DOCK9: variants seen among roughly 807,000 people sequenced by gnomAD.
DOCK9 encodes the protein dedicator of cytokinesis protein 9.
DOCK9 carries 89 observed loss-of-function variants against 263.3 expected under a neutral mutation model. The observed-to-expected ratio is 0.34, with a 90% CI of 0.28 to 0.40. DOCK9 has a LOEUF of 0.40. Ranked by LOEUF, DOCK9 falls within the 10% of genes least tolerant of loss-of-function variation. The pLI, the probability that DOCK9 is intolerant of heterozygous loss-of-function variation, is 1.00. For missense variants in DOCK9, 2,140 were observed against 2,603.4 expected, an observed-to-expected ratio of 0.82 and a Z score of 3.87; for synonymous variants, 976 against 973.1, an observed-to-expected ratio of 1.00 and a Z score of -0.06.
chr13:98,936,637 A>AG (rs1217181841), intron 2 of DOCK9, among the ~76,000 whole-genome samples: 1 of 85,276 alleles, frequency 1.2e-5, no homozygotes, highest in Non-Finnish European at 2.9e-5. Flanking sequence ...AAAAAAAAAA[A>AG]GAAAGAAAGA....
intron 1 of DOCK9, among the ~76,000 whole-genome samples, chr13:98,959,900 G>A (rs1253980908): frequency 6.6e-6 from 1 of 152,210 alleles, no homozygotes; most frequent in African/African-American, 2.4e-5. Flanking sequence ...ATTCACTGGT[G>A]ACAGCTGTTC....
intron 15 of DOCK9, among the ~76,000 whole-genome samples, chr13:98,893,770 T>C (rs1313773449): frequency 6.6e-6 from 1 of 152,172 alleles, no homozygotes; most frequent in Non-Finnish European, 1.5e-5. Flanking sequence ...CAAAGATTTT[T>C]AAAAAATGAA....
chr13:99,040,373 G>C (rs1888340738), intron 1 of DOCK9, among the ~76,000 whole-genome samples: 1 of 151,948 alleles, frequency 6.6e-6, no homozygotes. Context: ...CAGTCAGCAG[G>C]AGCAATAATC....
chr13:98,833,749 G>A (rs59452918), intron 39 of DOCK9, among the ~76,000 whole-genome samples: 1,662 of 152,180 alleles, frequency 0.011, 65 homozygotes, highest in Admixed American at 0.075. Context: ...GACACACCCC[G>A]GTTTCCTAAC....
At chr13:99,041,430 C>G (rs1888449615) in intron 1 of DOCK9, among the ~76,000 whole-genome samples, 1 of 151,042 alleles carries the variant, frequency 6.6e-6, no homozygotes, top group African/African-American at 2.4e-5. Flanking sequence ...CTGCAGTGAG[C>G]TATGATCAGG....
At chr13:98,904,330 A>AT (rs2048766035) in intron 10 of DOCK9, among the ~76,000 whole-genome samples, 2 of 152,226 alleles carry the variant, frequency 1.3e-5, no homozygotes, top group Admixed American at 1.3e-4. Flanking sequence ...AACTGCAGTG[A>AT]TACCTGTTGT....
intron 9 of DOCK9, among the ~76,000 whole-genome samples, chr13:98,908,308 G>A (rs144903689): frequency 1.8e-4 from 28 of 152,198 alleles, no homozygotes; most frequent in African/African-American, 6.0e-4. Context: ...CTTTTGGGAC[G>A]GTAACCTGGC....
chr13:98,900,899 T>C (rs1469275419), intron 13 of DOCK9, among the ~76,000 whole-genome samples: 1 of 152,188 alleles, frequency 6.6e-6, no homozygotes, highest in Non-Finnish European at 1.5e-5. Context: ...TCCAACTTAG[T>C]AAACTTCACT....
At chr13:98,821,726 G>C (rs926994429) in intron 45 of DOCK9, among the ~76,000 whole-genome samples, 1 of 152,114 alleles carries the variant, frequency 6.6e-6, no homozygotes, top group Non-Finnish European at 1.5e-5. Flanking sequence ...TCTGCTCTTC[G>C]GCTCAGAATC....
At chr13:98,807,032 T>C (rs772305) in intron 48 of DOCK9, among the ~76,000 whole-genome samples, 90,751 of 152,054 alleles carry the variant, frequency 0.6, 27,557 homozygotes, top group African/African-American at 0.67. Context: ...GCAGTGGGAG[T>C]GAAACCGTCT....
chr13:98,917,157 CTAAT>C (rs1361541384), intron 7 of DOCK9, among the ~76,000 whole-genome samples: 3 of 152,198 alleles, frequency 2.0e-5, no homozygotes, highest in African/African-American at 7.2e-5. Context: ...ACCCCGGAGA[CTAAT>C]TGATAGCTCA....
intron 30 of DOCK9, 27 bp downstream of exon 30, chr13:98,867,398 A>G (rs1414865132): frequency 1.7e-6 from 2 of 1,195,516 alleles, no homozygotes; most frequent in East Asian, 4.7e-5. Flanking sequence ...GTTTGTGAAA[A>G]GGTTAATAGA....
At chr13:98,861,008 A>G (rs1242024613) in intron 32 of DOCK9, among the ~76,000 whole-genome samples, 1 of 152,130 alleles carries the variant, frequency 6.6e-6, no homozygotes, top group African/African-American at 2.4e-5. Context: ...ATTAATTTTT[A>G]AGTTAGGTCA....
At chr13:98,820,680 T>C (rs1454863363) in intron 45 of DOCK9, 1 of 435,586 alleles carries the variant, frequency 2.3e-6, no homozygotes, top group Non-Finnish European at 4.6e-6. Flanking sequence ...TACTGTATTT[T>C]GCAAAAATCG....
intron 49 of DOCK9, 106 bp from the exon 50 acceptor site, chr13:98,800,584 A>AT: frequency 7.5e-7 from 1 of 1,331,836 alleles, no homozygotes; most frequent in Non-Finnish European, 1.0e-6. Flanking sequence ...TATTACTTAC[A>AT]TTTTTAAAAT....
upstream of DOCK9, among the ~76,000 whole-genome samples, chr13:99,087,620 C>G (rs1381031769): frequency 6.6e-6 from 1 of 152,216 alleles, no homozygotes; most frequent in Non-Finnish European, 1.5e-5. Flanking sequence ...CGCCCCGGCT[C>G]CGTTTCTGTC....
At chr13:98,993,301 T>G (rs1400884662) in intron 1 of DOCK9, among the ~76,000 whole-genome samples, 1 of 152,242 alleles carries the variant, frequency 6.6e-6, no homozygotes, top group Non-Finnish European at 1.5e-5. Flanking sequence ...AATTCCTAAT[T>G]CTCAGATTCT....
intron 20 of DOCK9, 136 bp downstream of exon 20, chr13:98,885,572 C>A: frequency 7.9e-6 from 7 of 881,666 alleles, no homozygotes; most frequent in Non-Finnish European, 1.1e-5. Flanking sequence ...GCAACCCAGA[C>A]ATGCTACATA....
rs2093480171 is a variant in DOCK9, at chr13:98,849,076, C to T, written c.4014-437G>A. Among the ~76,000 whole-genome samples the T allele has an allele frequency of 2.0e-5, 3 of 151,578 alleles. No individual in the cohort carries two copies. The South Asian group carries it at 6.3e-4, about 32-fold the overall frequency. On this transcript the variant is annotated intron_variant, in intron 36 of 52. Transcript: ENST00000682017. ...GCTCAAATATATGGATTATACACAC[C>T]AAGTGTGTAGTTTTTAAAAATATAT...
Sources: allele counts gnomAD v4.1 joint callset (sites outside exome capture counted in the v4.1 genomes callset), GRCh38; gene constraint gnomAD v4.1.1; transcripts MANE v1.5; gene names NCBI Gene and HGNC (gene_info 2026-07-23, HGNC 2026-07-21).